Variants in CTNNA2 observed in about 807,000 individuals in gnomAD.
CTNNA2 encodes catenin alpha 2, also known as catenin alpha-2.
In CTNNA2, 42 loss-of-function variants were observed where a neutral mutation model predicts 101.0. The observed-to-expected ratio is 0.42, with a 90% confidence interval of 0.32 to 0.54. The LOEUF is 0.54. Among genes scored for constraint, CTNNA2 ranks in the 20% least tolerant of loss-of-function variants. The pLI is 0.14. For missense variants in CTNNA2, 871 were observed against 1,223.1 expected (o/e 0.71, Z 4.29); for synonymous variants, 450 against 456.4 (o/e 0.99, Z 0.18).
intron 2 of CTNNA2, among the ~76,000 whole-genome samples, chr2:79,241,802 G>A (rs926537299): frequency 1.3e-5 from 2 of 152,204 alleles, no homozygotes; most frequent in Non-Finnish European, 2.9e-5. Flanking sequence ...ATAGGGTGGA[G>A]AATTAAATTA....
At chr2:79,832,170 C>T (rs951232208) in intron 3 of CTNNA2, among the ~76,000 whole-genome samples, 1 of 152,164 alleles carries the variant, frequency 6.6e-6, no homozygotes, top group Non-Finnish European at 1.5e-5. Context: ...GACTGAACGG[C>T]CTGTGTCGCC....
chr2:80,552,049 G>A (rs1692601487), intron 11 of CTNNA2, among the ~76,000 whole-genome samples: 1 of 152,104 alleles, frequency 6.6e-6, no homozygotes, highest in African/African-American at 2.4e-5. Context: ...GAGGGAGAGA[G>A]ATGGCAAACG....
At chr2:80,007,067 C>T (rs2103994923) in intron 7 of CTNNA2, among the ~76,000 whole-genome samples, 1 of 152,066 alleles carries the variant, frequency 6.6e-6, no homozygotes, top group Non-Finnish European at 1.5e-5. Flanking sequence ...CATCTATTAC[C>T]ATTTGAAATA....
In CTNNA2 at chr2:80,156,506, C is replaced by A. The variant is rs1232792793; in HGVS notation, c.1057-236705C>A. Among the ~76,000 whole-genome samples, 3 of 152,196 alleles carry A rather than the reference C, an allele frequency of 2.0e-5. No individual in the cohort carries two copies. In the East Asian group the frequency reaches 5.8e-4, roughly 29 times the overall value. On this transcript the variant is annotated intron_variant, in intron 7 of 18. Transcript: ENST00000402739. ...TGGTAATCTCTCTTCTGTGCCTGGG[C>A]AGGTGCTCCATGTAGCAATCTAGGC...
At chr2:80,352,332 T>A (rs1443497374) in intron 7 of CTNNA2, among the ~76,000 whole-genome samples, 1 of 152,172 alleles carries the variant, frequency 6.6e-6, no homozygotes, top group Non-Finnish European at 1.5e-5. Flanking sequence ...AGGAGCCATT[T>A]TTTTTATTGC....
chr2:79,804,992 C>T (rs978545034), intron 3 of CTNNA2, among the ~76,000 whole-genome samples: 3 of 152,054 alleles, frequency 2.0e-5, no homozygotes, highest in East Asian at 1.9e-4. Context: ...GGAGCGGGGT[C>T]ACCATGACCA....
At chr2:79,942,258 C>G (rs1295008896) in intron 7 of CTNNA2, among the ~76,000 whole-genome samples, 1 of 152,126 alleles carries the variant, frequency 6.6e-6, no homozygotes, top group Non-Finnish European at 1.5e-5. Context: ...GATGGCTGGA[C>G]AGACCAGGAA....
intron 4 of CTNNA2, among the ~76,000 whole-genome samples, chr2:79,481,937 A>G (rs1671114158): frequency 6.6e-6 from 1 of 152,194 alleles, no homozygotes; most frequent in Non-Finnish European, 1.5e-5. Flanking sequence ...AAGAGGCCAC[A>G]TACATGTTAC....
intron 1 of CTNNA2, among the ~76,000 whole-genome samples, chr2:79,518,137 T>G (rs1573224096): frequency 6.6e-6 from 1 of 152,238 alleles, no homozygotes; most frequent in African/African-American, 2.4e-5. Flanking sequence ...CAATGAATAA[T>G]TTTTAAAACT....
chr2:79,815,771 A>G (rs1558954167), intron 3 of CTNNA2, among the ~76,000 whole-genome samples: 1 of 149,490 alleles, frequency 6.7e-6, no homozygotes, highest in Non-Finnish European at 1.5e-5. Context: ...TGAATTTTAG[A>G]TTTTTTTTTT....
intron 7 of CTNNA2, among the ~76,000 whole-genome samples, chr2:80,327,591 T>C (rs903381291): frequency 2.0e-5 from 3 of 152,102 alleles, no homozygotes; most frequent in Admixed American, 6.5e-5. Context: ...ACTGTCATCA[T>C]GTGAAAATGT....
intron 1 of CTNNA2, among the ~76,000 whole-genome samples, chr2:79,552,787 C>G (rs557241952): frequency 2.6e-5 from 4 of 152,302 alleles, no homozygotes; most frequent in African/African-American, 9.6e-5. Flanking sequence ...GCTGGAGCAA[C>G]CACAATGCCA....
At chr2:79,226,222 T>C (rs557383928) in intron 2 of CTNNA2, among the ~76,000 whole-genome samples, 6 of 152,184 alleles carry the variant, frequency 3.9e-5, no homozygotes, top group Non-Finnish European at 7.4e-5. Context: ...GATTATATGA[T>C]GTACTCATGA....
intron 9 of CTNNA2, among the ~76,000 whole-genome samples, chr2:80,490,325 G>A (rs1205759663): frequency 8.3e-6 from 1 of 119,824 alleles, no homozygotes; most frequent in Non-Finnish European, 1.6e-5. Flanking sequence ...TTTAGGATTT[G>A]TGGCCCATAC....
chr2:79,879,397 A>G (rs1683258472), intron 6 of CTNNA2, among the ~76,000 whole-genome samples: 1 of 152,072 alleles, frequency 6.6e-6, no homozygotes, highest in South Asian at 2.1e-4. Flanking sequence ...TTATTCTATA[A>G]ATTACTCTGG....
At chr2:79,218,440 C>T (rs1674297967) in intron 2 of CTNNA2, among the ~76,000 whole-genome samples, 1 of 151,790 alleles carries the variant, frequency 6.6e-6, no homozygotes, top group Non-Finnish European at 1.5e-5. Context: ...GCCTCAGCCT[C>T]CCAAAGAGCT....
chr2:80,016,723 G>C (rs529129441), intron 7 of CTNNA2, among the ~76,000 whole-genome samples: 1 of 152,038 alleles, frequency 6.6e-6, no homozygotes, highest in Admixed American at 6.6e-5. Context: ...TCTTTTGGTT[G>C]GTTTGTTTTT....
In CTNNA2 at chr2:79,794,892, C is replaced by T. The variant is rs572777297; in HGVS notation, c.298+50310C>T. On this transcript the variant is annotated intron_variant, in intron 3 of 18. Transcript: ENST00000402739. ...CATTGAGAATGTGAGGATATGGAGC[C>T]GTGCGGTTGATTTTCATGTCCTATA... Among the ~76,000 whole-genome samples, 7 of 152,194 alleles carry T rather than the reference C, an allele frequency of 4.6e-5. No homozygotes were observed. The South Asian group carries it at 1.0e-3, about 23-fold the overall frequency.
intron 3 of CTNNA2, among the ~76,000 whole-genome samples, chr2:79,314,098 A>G (rs760054027): frequency 1.3e-5 from 2 of 152,020 alleles, no homozygotes; most frequent in Non-Finnish European, 2.9e-5. Context: ...TTTCCTTTCT[A>G]GAGGTCTTTC....
Sources: gnomAD v4.1 joint callset for allele counts (sites outside exome capture counted in the v4.1 genomes callset) on GRCh38, gnomAD v4.1.1 for gene constraint, MANE v1.5 for transcripts, NCBI Gene and HGNC (gene_info 2026-07-23, HGNC 2026-07-21) for gene names.